FUT8: variants seen among roughly 807,000 people sequenced by gnomAD.
FUT8 encodes the protein alpha-(1,6)-fucosyltransferase.
A neutral mutation model predicts 71.3 loss-of-function variants in FUT8; 29 were observed. The ratio of observed to expected loss-of-function variants is 0.41; its 90% CI spans 0.30 to 0.55. The LOEUF (loss-of-function observed/expected upper bound fraction) is 0.55, where lower values mean the gene tolerates loss of function less well. FUT8 is among the 20% of genes least tolerant of loss of function. The probability of loss-of-function intolerance (pLI) is 0.34; values close to 1 mark genes in which losing one functional copy is unlikely to be tolerated. For missense variants in FUT8, 544 were observed against 702.1 expected (o/e 0.77, Z 2.55); for synonymous variants, 254 against 239.3 (o/e 1.06, Z -0.57).
intron 2 of FUT8, among the ~76,000 whole-genome samples, chr14:65,551,065 A>G (rs1237380838): frequency 6.6e-6 from 1 of 152,172 alleles, no homozygotes; most frequent in Non-Finnish European, 1.5e-5. Context: ...TAGGGTACAC[A>G]TATTTTTATT....
chr14:65,650,909 G>A (rs1401701238), intron 6 of FUT8, among the ~76,000 whole-genome samples: 2 of 152,112 alleles, frequency 1.3e-5, no homozygotes, highest in Non-Finnish European at 2.9e-5. Context: ...CCTTCCCCAG[G>A]TGCTGTAGCT....
intron 3 of FUT8, among the ~76,000 whole-genome samples, chr14:65,598,172 T>C (rs559002201): frequency 6.6e-6 from 1 of 152,186 alleles, no homozygotes; most frequent in East Asian, 1.9e-4. Flanking sequence ...TCTCAAAAAT[T>C]TTATTATTCT....
In FUT8 at chr14:65,505,306, G is replaced by GTTTTT. The variant is rs1001286768; in HGVS notation, c.-228+49608_-228+49612dup. On this transcript the variant is annotated intron_variant, in intron 2 of 10. Coordinates refer to ENST00000673929, the MANE Select transcript of FUT8 (RefSeq NM_001371533.1). ...AAACTATGTCAAGTACTACATTTCA[G>GTTTTT]TTTTTTTTTTTTTTTTTTTTTTTTG... Among the ~76,000 whole-genome samples the GTTTTT allele has an allele frequency of 7.2e-4, 69 of 95,774 alleles. 2 individuals are homozygous for GTTTTT. Among genetic ancestry groups the GTTTTT allele is most frequent in the Non-Finnish European group, 9.0e-4 (46 of 51,028 alleles). The allele number at this position is 95,774 out of a possible 152,430, so 62.8% of individuals were successfully genotyped here. A position where few individuals can be genotyped will look rare whatever the true frequency, so the allele number is the denominator to read the frequency against.
intron 3 of FUT8, among the ~76,000 whole-genome samples, chr14:65,570,158 C>T (rs570203195): frequency 6.6e-6 from 1 of 152,116 alleles, no homozygotes; most frequent in African/African-American, 2.4e-5. Flanking sequence ...TTCATTCTGT[C>T]TTAAAATTAC....
At position 65,643,859 on chromosome 14, in the gene FUT8, A is replaced by G. The variant is rs148566872; in HGVS notation, c.597+14253A>G. Among the ~76,000 whole-genome samples, 527 of 152,198 alleles carry G rather than the reference A, an allele frequency of 3.5e-3. 2 individuals carry two copies. The highest frequency in any genetic ancestry group is 0.012 in the African/African-American group (500 of 41,508). ...TTTAATTTAGGTATATCAGCCCAAT[A>G]TGTACTTGTTTTAAAGTTATTTCGA... is the stretch of plus-strand genomic sequence containing the variant. On this transcript the variant is annotated intron_variant, in intron 6 of 10. Transcript: ENST00000673929. The surrounding 1 kb of genome is among the most constrained non-coding windows in gnomAD (Gnocchi z 4.5).
intron 2 of FUT8, among the ~76,000 whole-genome samples, chr14:65,497,160 T>C (rs889368816): frequency 1.3e-5 from 2 of 152,174 alleles, no homozygotes; most frequent in African/African-American, 2.4e-5. Context: ...AACGGTAATA[T>C]ATGTCCAGTA....
At chr14:65,640,640 A>G (rs2036263867) in intron 6 of FUT8, among the ~76,000 whole-genome samples, 1 of 152,090 alleles carries the variant, frequency 6.6e-6, no homozygotes, top group Non-Finnish European at 1.5e-5. Flanking sequence ...ATTTAGCTTT[A>G]AAGAATTTCC....
chr14:65,442,606 A>G (rs1248767739), intron 1 of FUT8, among the ~76,000 whole-genome samples: 1 of 151,922 alleles, frequency 6.6e-6, no homozygotes, highest in Non-Finnish European at 1.5e-5. Context: ...AGGCCGAGGC[A>G]GGTGGATTAC....
Position 65,702,909 on chromosome 14 carries a change from G to A in FUT8, c.836-18866G>A, listed in dbSNP as rs560965055. Reference sequence around the variant, plus strand: ...CTACAGGTGCATGCCACCACGCCCAGCTAATTTTTGTATTTTTAGTAGAAA... The same window carrying A: ...CTACAGGTGCATGCCACCACGCCCAACTAATTTTTGTATTTTTAGTAGAAA... On this transcript the variant is annotated intron_variant, in intron 7 of 10. Coordinates refer to ENST00000673929, the MANE Select transcript of FUT8 (RefSeq NM_001371533.1). Among the ~76,000 whole-genome samples, 153 of 152,244 alleles carry A rather than the reference G, an allele frequency of 1.0e-3. 1 individual carries two copies. The highest frequency in any genetic ancestry group is 3.6e-3 in the African/African-American group (149 of 41,540).
intron 3 of FUT8, among the ~76,000 whole-genome samples, chr14:65,610,918 A>T (rs1258051496): frequency 6.6e-6 from 1 of 151,678 alleles, no homozygotes; most frequent in Middle Eastern, 3.4e-3. Flanking sequence ...GGTTTGCTAA[A>T]TTTTTTTATA....
At chr14:65,585,300 C>T (rs2140124727) in intron 3 of FUT8, among the ~76,000 whole-genome samples, 1 of 152,238 alleles carries the variant, frequency 6.6e-6, no homozygotes, top group East Asian at 1.9e-4. Context: ...GCTCCTCCCA[C>T]CTCAGCCTCC....
chr14:65,717,371 G>A lies in FUT8; in HGVS notation c.836-4404G>A, dbSNP rs147331553. Among the ~76,000 whole-genome samples, 735 of 143,898 alleles carry A rather than the reference G, an allele frequency of 5.1e-3. 9 individuals carry two copies. Among genetic ancestry groups the A allele is most frequent in the African/African-American group, 0.018 (690 of 37,492 alleles). The allele number at this position is 143,898 out of a possible 152,430, so 94.4% of individuals were successfully genotyped here. A position where few individuals can be genotyped will look rare whatever the true frequency, so the allele number is the denominator to read the frequency against. ...CAGAGACGCTCCTCACTTCCCAGAC[G>A]GGGCGGCCAGGCAGAGACTCTCCTC... On this transcript the variant is annotated intron_variant, in intron 7 of 10. Coordinates refer to ENST00000673929, the MANE Select transcript of FUT8 (RefSeq NM_001371533.1).
chr14:65,398,486 A>G, the FUT8 span, among the ~76,000 whole-genome samples: 1 of 152,294 alleles, frequency 6.6e-6, no homozygotes, highest in Non-Finnish European at 1.5e-5. Context: ...CTGTAATCCC[A>G]GCACTTTGGG....
intron 9 of FUT8, 132 bp from the exon 10 acceptor site, chr14:65,733,099 T>G: frequency 1.9e-6 from 1 of 530,128 alleles, no homozygotes; most frequent in Non-Finnish European, 3.3e-6. Flanking sequence ...ATATGTCTCA[T>G]CAACTACAGT....
At chr14:65,571,740 A>AAT (rs900046569) in intron 3 of FUT8, among the ~76,000 whole-genome samples, 60 of 151,704 alleles carry the variant, frequency 4.0e-4, no homozygotes, top group African/African-American at 7.2e-4. Context: ...CCAAGACTTG[A>AAT]ATATATATAT....
chr14:65,366,923 T>C, the FUT8 span, among the ~76,000 whole-genome samples: 2 of 152,102 alleles, frequency 1.3e-5, no homozygotes. Context: ...GGAAGAGACA[T>C]GTGCCAGAGA....
At chr14:65,379,192 C>G in the FUT8 span, among the ~76,000 whole-genome samples, 1 of 152,152 alleles carries the variant, frequency 6.6e-6, no homozygotes, top group Admixed American at 6.5e-5. Flanking sequence ...TGCAGAAACA[C>G]AAGAAAGCAG....
chr14:65,741,145 C>T (rs922369801), intron 10 of FUT8, among the ~76,000 whole-genome samples: 2 of 151,872 alleles, frequency 1.3e-5, no homozygotes, highest in East Asian at 1.9e-4. Context: ...TAAGCATTAA[C>T]CTCAAGGATT....
the FUT8 span, among the ~76,000 whole-genome samples, chr14:65,396,489 T>C: frequency 2.0e-5 from 3 of 152,172 alleles, no homozygotes; most frequent in Non-Finnish European, 4.4e-5. This position sits in a 1 kb window ranked among gnomAD's most constrained non-coding sequence, Gnocchi z 5.5. Context: ...GGTTTCCCCT[T>C]ATAAAACCAT....
Sources: gnomAD v4.1 joint callset for allele counts (sites outside exome capture counted in the v4.1 genomes callset) on GRCh38, gnomAD v4.1.1 for gene constraint, Gnocchi (gnomAD v3.1) non-coding constraint, MANE v1.5 for transcripts, NCBI Gene and HGNC (gene_info 2026-07-23, HGNC 2026-07-21) for gene names.